Variants in SEMA6D observed in about 807,000 individuals in gnomAD.
The protein encoded by SEMA6D is semaphorin-6D.
SEMA6D carries 35 observed loss-of-function variants against 106.6 expected under a neutral mutation model. That is an observed-to-expected ratio of 0.33 (90% CI 0.25 to 0.44). The LOEUF is 0.44. Ranked by LOEUF, SEMA6D falls within the 20% of genes least tolerant of loss-of-function variation. The pLI is 1.00. For missense variants in SEMA6D, 1,185 were observed against 1,345.9 expected, an observed-to-expected ratio of 0.88 and a Z score of 1.87; for synonymous variants, 499 against 487.7, an observed-to-expected ratio of 1.02 and a Z score of -0.31.
intron 1 of SEMA6D, among the ~76,000 whole-genome samples, chr15:47,217,231 G>T (rs552780894): frequency 6.6e-6 from 1 of 152,218 alleles, no homozygotes; most frequent in Non-Finnish European, 1.5e-5. Flanking sequence ...ATTATGAATG[G>T]AGCTATAAAT....
At chr15:47,282,163 T>A (rs979735706) in intron 1 of SEMA6D, among the ~76,000 whole-genome samples, 1 of 152,202 alleles carries the variant, frequency 6.6e-6, no homozygotes, top group Non-Finnish European at 1.5e-5. Flanking sequence ...GGACATTTGC[T>A]AATTTTGACA....
At chr15:47,292,659 A>T (rs1162574223) in intron 1 of SEMA6D, among the ~76,000 whole-genome samples, 1 of 152,192 alleles carries the variant, frequency 6.6e-6, no homozygotes, top group African/African-American at 2.4e-5. Flanking sequence ...ATACACAGAC[A>T]AATAAACGTG....
chr15:47,627,071 C>A (rs1017853609), intron 4 of SEMA6D, among the ~76,000 whole-genome samples: 1 of 152,120 alleles, frequency 6.6e-6, no homozygotes, highest in Non-Finnish European at 1.5e-5. Flanking sequence ...GCCAAGCCTT[C>A]CTTGTTTGGT....
rs567209368 is a variant in SEMA6D, at chr15:47,277,719, G to A, written c.-239+93301G>A. 3.6e-4 allele frequency among the ~76,000 whole-genome samples: 54 copies of A among 151,438 alleles called. No homozygotes were observed. In the South Asian group the frequency reaches 9.9e-3, roughly 28 times the overall value. ...GCTGGTGCGCTGCACCTACTAACTCGTCATCTAGCATTAGGTATATCTCCC... is the reference window on the plus strand; with the variant it reads ...GCTGGTGCGCTGCACCTACTAACTCATCATCTAGCATTAGGTATATCTCCC... On this transcript the variant is annotated intron_variant, in intron 1 of 19. Coordinates refer to the SEMA6D transcript ENST00000558014.
intron 4 of SEMA6D, among the ~76,000 whole-genome samples, chr15:47,653,288 T>C (rs150257278): frequency 2.0e-5 from 3 of 152,338 alleles, no homozygotes; most frequent in Non-Finnish European, 2.9e-5. Flanking sequence ...TAATGTGTGA[T>C]GGAATCTGCA....
chr15:47,248,674 TAG>T (rs2033338122), intron 1 of SEMA6D, among the ~76,000 whole-genome samples: 1 of 152,192 alleles, frequency 6.6e-6, no homozygotes, highest in African/African-American at 2.4e-5. Context: ...CTCAGATACT[TAG>T]AGTTTTATTA....
At chr15:47,675,216 G>T (rs1288839304) in intron 4 of SEMA6D, among the ~76,000 whole-genome samples, 2 of 152,206 alleles carry the variant, frequency 1.3e-5, no homozygotes, top group Non-Finnish European at 2.9e-5. Flanking sequence ...TGGCCCTTGT[G>T]ATGGGTGAAA....
At chr15:47,553,030 G>A (rs1204896857) in intron 3 of SEMA6D, among the ~76,000 whole-genome samples, 3 of 147,190 alleles carry the variant, frequency 2.0e-5, no homozygotes, top group Non-Finnish European at 4.5e-5. Context: ...TCAGCCTCCC[G>A]AGAAGATGGG....
intron 1 of SEMA6D, among the ~76,000 whole-genome samples, chr15:47,376,551 A>G (rs1282475985): frequency 6.6e-6 from 1 of 152,192 alleles, no homozygotes. Flanking sequence ...TAAAATTGCT[A>G]CTGTGAGAAA....
chr15:47,652,346 A>G (rs986229956), intron 4 of SEMA6D, among the ~76,000 whole-genome samples: 1 of 152,150 alleles, frequency 6.6e-6, no homozygotes, highest in Non-Finnish European at 1.5e-5. Context: ...AAGGGTTAAG[A>G]TCAGTTTTAC....
rs566395620 is a variant in SEMA6D, at chr15:47,222,039, G to A, written c.-239+37621G>A. Among the ~76,000 whole-genome samples, 36 of 151,900 alleles carry A rather than the reference G, an allele frequency of 2.4e-4. 1 individual carries two copies. The East Asian group carries it at 5.0e-3, about 21-fold the overall frequency. On this transcript the variant is annotated intron_variant, in intron 1 of 19. Transcript: ENST00000558014. ...CACGCACAGACACACGCATGCACAC[G>A]CACACTCACACACACGCAAGTGTTT...
rs2078289912 is a variant in SEMA6D, at chr15:47,678,579, AG to A, written c.-55+77686del. ...CCATTCGAGTTGAGAGACTTCCCAA[AG>A]GGCACATAGCTAGTAAGCAGCAAAG... is the stretch of plus-strand genomic sequence containing the variant. On this transcript the variant is annotated intron_variant, in intron 4 of 19. Transcript: ENST00000558014. 3.3e-5 allele frequency among the ~76,000 whole-genome samples: 5 copies of A among 152,086 alleles called. No homozygotes were observed. In the South Asian group the frequency reaches 1.0e-3, roughly 32 times the overall value.
chr15:47,431,078 T>A (rs1271371493), intron 2 of SEMA6D, among the ~76,000 whole-genome samples: 1 of 152,174 alleles, frequency 6.6e-6, no homozygotes, highest in Non-Finnish European at 1.5e-5. Context: ...GATTTTTTTC[T>A]CATTTAGATT....
At chr15:47,493,815 G>T (rs1050387445) in intron 3 of SEMA6D, among the ~76,000 whole-genome samples, 1 of 152,078 alleles carries the variant, frequency 6.6e-6, no homozygotes, top group Non-Finnish European at 1.5e-5. Flanking sequence ...TCATACTCTT[G>T]ATCATTTTGC....
At chr15:47,299,304 C>G (rs1409210654) in intron 1 of SEMA6D, among the ~76,000 whole-genome samples, 2 of 152,186 alleles carry the variant, frequency 1.3e-5, no homozygotes, top group African/African-American at 4.8e-5. Flanking sequence ...ACTCAGTTTG[C>G]TTGGAATAAT....
At chr15:47,377,931 A>G (rs1226108324) in intron 1 of SEMA6D, among the ~76,000 whole-genome samples, 1 of 152,200 alleles carries the variant, frequency 6.6e-6, no homozygotes, top group African/African-American at 2.4e-5. Context: ...TGTTTATATT[A>G]AAGTTTTTAG....
At chr15:47,490,113 A>G (rs1443117857) in intron 3 of SEMA6D, among the ~76,000 whole-genome samples, 1 of 152,108 alleles carries the variant, frequency 6.6e-6, no homozygotes, top group Non-Finnish European at 1.5e-5. Flanking sequence ...GTCACAGTAG[A>G]TATCATACTA....
At chr15:47,554,181 T>C (rs1326503054) in intron 3 of SEMA6D, among the ~76,000 whole-genome samples, 1 of 152,188 alleles carries the variant, frequency 6.6e-6, no homozygotes, top group African/African-American at 2.4e-5. Context: ...CACACAGCTT[T>C]TGTGTAGTAT....
At chr15:47,677,001 G>C (rs1453901370) in intron 4 of SEMA6D, among the ~76,000 whole-genome samples, 1 of 152,100 alleles carries the variant, frequency 6.6e-6, no homozygotes. Context: ...CTCATAAGGA[G>C]AGTACAACCT....
Sources: allele counts gnomAD v4.1 joint callset (sites outside exome capture counted in the v4.1 genomes callset), GRCh38; gene constraint gnomAD v4.1.1; transcripts MANE v1.5; gene names NCBI Gene and HGNC (gene_info 2026-07-23, HGNC 2026-07-21).